TMIGD1: variants seen among roughly 807,000 people sequenced by gnomAD.
TMIGD1 encodes transmembrane and immunoglobulin domain containing 1.
A neutral mutation model predicts 27.5 loss-of-function variants in TMIGD1; 29 were observed. That is an observed-to-expected ratio of 1.05 (90% CI 0.78 to 1.44). The LOEUF is 1.44. TMIGD1 is among the 40% of genes most tolerant of loss of function. TMIGD1 has a pLI of 0.00. For missense variants in TMIGD1, 334 were observed against 310.6 expected, an observed-to-expected ratio of 1.08 and a Z score of -0.57; for synonymous variants, 109 against 110.3, an observed-to-expected ratio of 0.99 and a Z score of 0.07.
chr17:30,324,303 G>A (rs889471748), intron 4 of TMIGD1, among the ~76,000 whole-genome samples: 1 of 152,086 alleles, frequency 6.6e-6, no homozygotes, highest in Non-Finnish European at 1.5e-5. Context: ...GATAACCCTG[G>A]GTAGATGAAG....
intron 3 of TMIGD1, among the ~76,000 whole-genome samples, chr17:30,327,552 T>A (rs1204406598): frequency 6.6e-6 from 1 of 151,904 alleles, no homozygotes; most frequent in East Asian, 1.9e-4. Context: ...GCTTTTTATT[T>A]TATTTTATTT....
chr17:30,329,533 G>A lies in TMIGD1; in HGVS notation c.83-4C>T. On this transcript the variant is annotated splice_polypyrimidine_tract_variant and splice_region_variant and intron_variant, in intron 2 of 6. Transcript: ENST00000328886. Reference sequence around the variant, plus strand: ...CCATTCACAGTTAAAACAGAACCTGGGAGTATAGGGAGAAACTATTTAGAT... The same window carrying A: ...CCATTCACAGTTAAAACAGAACCTGAGAGTATAGGGAGAAACTATTTAGAT... 1 of 1,604,106 alleles carries A rather than the reference G, an allele frequency of 6.2e-7. No individual in the cohort carries two copies. The highest frequency in any genetic ancestry group is 8.5e-7 in the Non-Finnish European group (1 of 1,172,504).
chr17:30,321,980 C>G (rs552244153), intron 4 of TMIGD1, among the ~76,000 whole-genome samples: 1 of 152,188 alleles, frequency 6.6e-6, no homozygotes, highest in East Asian at 1.9e-4. Context: ...CAGTGCGTGC[C>G]ACCACACCCA....
intron 4 of TMIGD1, among the ~76,000 whole-genome samples, chr17:30,321,333 C>CACT (rs1909614362): frequency 6.6e-6 from 1 of 152,178 alleles, no homozygotes; most frequent in East Asian, 1.9e-4. Context: ...AGTAAAAGTG[C>CACT]TTCAGTTCAA....
chr17:30,331,936 A>G, intron 2 of TMIGD1, 116 bp downstream of exon 2: 1 of 684,628 alleles, frequency 1.5e-6, no homozygotes, highest in Non-Finnish European at 2.6e-6. Flanking sequence ...GAGCCATGCT[A>G]ACTGTGTAGT....
At chr17:30,320,004 C>T (rs1780805378) in intron 4 of TMIGD1, among the ~76,000 whole-genome samples, 1 of 151,924 alleles carries the variant, frequency 6.6e-6, no homozygotes, top group Admixed American at 6.6e-5. Context: ...TGAAAGCCTA[C>T]CCCTTTATTT....
chr17:30,329,562 C>T, intron 2 of TMIGD1, 33 bp from the exon 3 acceptor site: 1 of 1,578,380 alleles, frequency 6.3e-7, no homozygotes, highest in Non-Finnish European at 8.7e-7. Context: ...TTTAGATATA[C>T]AGAGTAAACA....
intron 6 of TMIGD1, 173 bp from the exon 7 acceptor site, chr17:30,316,863 T>C (rs749905355): frequency 9.2e-5 from 62 of 675,788 alleles, no homozygotes; most frequent in Non-Finnish European, 1.5e-4. Context: ...TGGGGATGAA[T>C]GTGGTTCCTG....
intron 2 of TMIGD1, among the ~76,000 whole-genome samples, chr17:30,330,184 C>T (rs113044332): frequency 4.6e-5 from 7 of 150,878 alleles, no homozygotes; most frequent in Non-Finnish European, 7.4e-5. Context: ...CCCCACCCCC[C>T]GACCCCCGGT....
chr17:30,321,714 G>A (rs1310622674), intron 4 of TMIGD1, among the ~76,000 whole-genome samples: 1 of 152,148 alleles, frequency 6.6e-6, no homozygotes, highest in Non-Finnish European at 1.5e-5. Flanking sequence ...GGGAAGAGGG[G>A]AAGAAGTGAC....
chr17:30,332,025 A>C, intron 2 of TMIGD1, 27 bp downstream of exon 2: 1 of 1,538,670 alleles, frequency 6.5e-7, no homozygotes, highest in Non-Finnish European at 8.9e-7. Context: ...TTTATCTAAA[A>C]AGAGGCCAAA....
At position 30,332,154 on chromosome 17, in the gene TMIGD1, A is replaced by T; in HGVS notation, c.-21T>A. 6.3e-7 allele frequency: 1 copy of T among 1,598,456 alleles called. No homozygotes were observed. Among genetic ancestry groups the T allele is most frequent in the Non-Finnish European group, 8.5e-7 (1 of 1,170,504 alleles). Reference sequence around the variant, plus strand: ...GCCATCTTTAATGAGTTAAACTCAGATCTACTAAGGGAAAAATAGTGCAGT... The same window carrying T: ...GCCATCTTTAATGAGTTAAACTCAGTTCTACTAAGGGAAAAATAGTGCAGT... On this transcript the variant is annotated 5_prime_UTR_variant, in exon 2 of 7. Transcript: ENST00000328886.
rs1377875752 is a variant in TMIGD1, at chr17:30,321,824, A to C, written c.641-2911T>G. On this transcript the variant is annotated intron_variant, in intron 4 of 6. Coordinates refer to ENST00000328886, the MANE Select transcript of TMIGD1 (RefSeq NM_206832.3). Reference sequence around the variant, plus strand: ...CCCATAACTGTATAACACACTAACCAGTTATTATTATAATTATTTTTGGAG... The same window carrying C: ...CCCATAACTGTATAACACACTAACCCGTTATTATTATAATTATTTTTGGAG... Among the ~76,000 whole-genome samples the C allele has an allele frequency of 2.0e-5, 3 of 152,124 alleles. No individual in the cohort carries two copies. In the East Asian group the frequency reaches 5.8e-4, roughly 29 times the overall value.
Position 30,329,291 on chromosome 17 carries a change from C to T in TMIGD1, c.321G>A (p.Arg107=), listed in dbSNP as rs773118739. Residue 107 remains arginine (R), a synonymous_variant, in exon 3 of 7, where the codon AGG becomes AGA. Transcript: ENST00000328886. ...CCACCGAAACGGACACGGACTGATC[C>T]CTCCCCAGCCTGCAGGTAAAGCTGA... ...NGISFTCRLG[R]DQSVSVSVVL... 3.1e-6 allele frequency: 5 copies of T among 1,613,994 alleles called. No homozygotes were observed. The highest frequency in any genetic ancestry group is 4.2e-6 in the Non-Finnish European group (5 of 1,180,026).
At chr17:30,326,011 C>A (rs569961725) in intron 3 of TMIGD1, among the ~76,000 whole-genome samples, 1 of 152,098 alleles carries the variant, frequency 6.6e-6, no homozygotes, top group Admixed American at 6.5e-5. Flanking sequence ...AAGATAGAGA[C>A]GGAGAAGGAG....
chr17:30,330,085 C>CA (rs34690793), intron 2 of TMIGD1, among the ~76,000 whole-genome samples: 3 of 151,370 alleles, frequency 2.0e-5, no homozygotes, highest in African/African-American at 4.9e-5. Flanking sequence ...ACCTTGCCCC[C>CA]AAAAAAAAGT....
intron 3 of TMIGD1, among the ~76,000 whole-genome samples, chr17:30,327,613 G>T (rs1909830130): frequency 6.6e-6 from 1 of 151,686 alleles, no homozygotes; most frequent in South Asian, 2.1e-4. Context: ...AGGTTGAAAT[G>T]CAGTGGCGCA....
At chr17:30,333,601 T>C (rs1350594746) in intron 1 of TMIGD1, among the ~76,000 whole-genome samples, 1 of 152,202 alleles carries the variant, frequency 6.6e-6, no homozygotes, top group Non-Finnish European at 1.5e-5. Flanking sequence ...AGGCGTGCCC[T>C]GACAGGAGTA....
In TMIGD1 at chr17:30,319,019, CCTT is replaced by C. The variant is rs1909516361; in HGVS notation, c.641-109_641-107del. The C allele has an allele frequency of 3.8e-6, 3 of 781,450 alleles. No homozygotes were observed. The African/African-American group carries it at 5.2e-5, about 13-fold the overall frequency. The allele number at this position is 781,450 out of a possible 1,614,324, so 48.4% of individuals were successfully genotyped here. A position where few individuals can be genotyped will look rare whatever the true frequency, so the allele number is the denominator to read the frequency against. The stretch of plus-strand genomic sequence containing the variant: ...TATGTGTGTCATCCCCTTAATTAAA[CCTT>C]CTCAACAATCTCAAAAAGTAGGTAT... On this transcript the variant is annotated intron_variant, in intron 4 of 6. Transcript: ENST00000328886.
Sources: allele counts gnomAD v4.1 joint callset (sites outside exome capture counted in the v4.1 genomes callset), GRCh38; gene constraint gnomAD v4.1.1; transcripts MANE v1.5; gene names NCBI Gene and HGNC (gene_info 2026-07-23, HGNC 2026-07-21).